Variants in NLGN1 observed in about 807,000 individuals in gnomAD.
NLGN1 encodes neuroligin-1.
In NLGN1, 12 loss-of-function variants were observed where a neutral mutation model predicts 65.5. The ratio of observed to expected loss-of-function variants is 0.18; its 90% CI spans 0.12 to 0.30. The LOEUF (loss-of-function observed/expected upper bound fraction) is 0.30, where lower values mean the gene tolerates loss of function less well. Among genes scored for constraint, NLGN1 ranks in the 10% least tolerant of loss-of-function variants. The pLI is 1.00. For synonymous variants in NLGN1, 350 were observed against 359.5 expected, an observed-to-expected ratio of 0.97 and a Z score of 0.30; for missense variants, 750 against 1,007.1, an observed-to-expected ratio of 0.74 and a Z score of 3.46.
At chr3:173,620,377 A>C (rs1560063215) in intron 3 of NLGN1, among the ~76,000 whole-genome samples, 1 of 152,116 alleles carries the variant, frequency 6.6e-6, no homozygotes, top group Non-Finnish European at 1.5e-5. Flanking sequence ...TGACTCTAAG[A>C]TGTCTTACTG....
At chr3:173,546,052 C>T (rs545214253) in intron 2 of NLGN1, among the ~76,000 whole-genome samples, 4 of 152,094 alleles carry the variant, frequency 2.6e-5, no homozygotes, top group Non-Finnish European at 5.9e-5. Flanking sequence ...ATGTAACAAA[C>T]CTCCACGTTC....
intron 4 of NLGN1, among the ~76,000 whole-genome samples, chr3:173,819,754 A>C (rs1289867936): frequency 6.6e-6 from 1 of 152,174 alleles, no homozygotes; most frequent in Admixed American, 6.5e-5. Flanking sequence ...ACCCAAATTA[A>C]AAAATATCTG....
At chr3:173,551,648 A>G (rs1226256862) in intron 2 of NLGN1, among the ~76,000 whole-genome samples, 1 of 152,212 alleles carries the variant, frequency 6.6e-6, no homozygotes, top group Non-Finnish European at 1.5e-5. Context: ...GCTTCAAGAG[A>G]AAACTTTTTA....
intron 4 of NLGN1, among the ~76,000 whole-genome samples, chr3:174,269,551 T>C (rs895108533): frequency 1.3e-5 from 2 of 152,012 alleles, no homozygotes; most frequent in Non-Finnish European, 2.9e-5. Flanking sequence ...TTCCATCATA[T>C]GTATATTTTC....
intron 2 of NLGN1, among the ~76,000 whole-genome samples, chr3:173,545,862 CAT>C (rs1221835327): frequency 2.6e-5 from 4 of 151,910 alleles, no homozygotes; most frequent in East Asian, 3.9e-4. Flanking sequence ...CCAAACACCA[CAT>C]GTTTTCACTC....
At chr3:173,642,944 A>G (rs1757646712) in intron 3 of NLGN1, among the ~76,000 whole-genome samples, 1 of 152,242 alleles carries the variant, frequency 6.6e-6, no homozygotes, top group South Asian at 2.1e-4. Flanking sequence ...TCATAACTGT[A>G]TTAAATATTT....
At chr3:174,269,624 T>TATTA (rs1189911564) in intron 4 of NLGN1, among the ~76,000 whole-genome samples, 2 of 152,022 alleles carry the variant, frequency 1.3e-5, no homozygotes, top group Non-Finnish European at 2.9e-5. Flanking sequence ...TCCTCTTGGC[T>TATTA]ATTATAAATA....
chr3:173,642,647 G>T (rs1342832391), intron 3 of NLGN1, among the ~76,000 whole-genome samples: 1 of 152,120 alleles, frequency 6.6e-6, no homozygotes, highest in African/African-American at 2.4e-5. Flanking sequence ...ATCTAGTGCT[G>T]CCCTGTACCT....
intron 4 of NLGN1, among the ~76,000 whole-genome samples, chr3:174,089,420 C>T (rs960582339): frequency 1.3e-5 from 2 of 152,156 alleles, no homozygotes; most frequent in African/African-American, 2.4e-5. Flanking sequence ...GTCTCTGCTT[C>T]AGGTTTGAGG....
chr3:174,201,856 C>G (rs1447550768), intron 4 of NLGN1, among the ~76,000 whole-genome samples: 1 of 152,140 alleles, frequency 6.6e-6, no homozygotes, highest in Non-Finnish European at 1.5e-5. Flanking sequence ...GTTCTCCTTT[C>G]CCTAATTTGC....
chr3:174,259,230 T>C (rs978717938), intron 4 of NLGN1, among the ~76,000 whole-genome samples: 3 of 152,166 alleles, frequency 2.0e-5, no homozygotes, highest in Non-Finnish European at 4.4e-5. Flanking sequence ...ATTTCTCTTT[T>C]TATTATTTGT....
chr3:173,841,059 C>G (rs574800704), intron 4 of NLGN1, among the ~76,000 whole-genome samples: 2 of 152,234 alleles, frequency 1.3e-5, no homozygotes, highest in African/African-American at 4.8e-5. Flanking sequence ...TTATTCCCCA[C>G]TTTTTCTCAG....
chr3:173,545,505 A>G (rs1374033034), intron 2 of NLGN1, among the ~76,000 whole-genome samples: 1 of 152,228 alleles, frequency 6.6e-6, no homozygotes, highest in Non-Finnish European at 1.5e-5. Context: ...CTTTGTCAGG[A>G]GAGAATGTAG....
In NLGN1 at chr3:173,589,191, C is replaced by T. The variant is rs188431669; in HGVS notation, c.-320-15088C>T. ...AACAGAAGAATATGTACTTTTTTCACTTTCTCCTGGTTTGTATAGAAATTT... is the reference window on the plus strand; with the variant it reads ...AACAGAAGAATATGTACTTTTTTCATTTTCTCCTGGTTTGTATAGAAATTT... On this transcript the variant is annotated intron_variant, in intron 2 of 6. Transcript: ENST00000457714. 3.9e-5 allele frequency among the ~76,000 whole-genome samples: 6 copies of T among 152,282 alleles called. No individual in the cohort carries two copies. The South Asian group carries it at 8.3e-4, about 21-fold the overall frequency.
chr3:173,545,664 T>C (rs1029862172), intron 2 of NLGN1, among the ~76,000 whole-genome samples: 2 of 152,130 alleles, frequency 1.3e-5, no homozygotes, highest in Non-Finnish European at 2.9e-5. Context: ...TGCAGCACTG[T>C]TCACAATAGC....
intron 2 of NLGN1, among the ~76,000 whole-genome samples, chr3:173,590,860 T>G (rs1748362136): frequency 6.6e-6 from 1 of 152,164 alleles, no homozygotes; most frequent in South Asian, 2.1e-4. Flanking sequence ...GTTTATATAC[T>G]TCACTTTGAT....
chr3:173,590,617 C>T (rs1033769505), intron 2 of NLGN1, among the ~76,000 whole-genome samples: 13 of 152,178 alleles, frequency 8.5e-5, no homozygotes, highest in Admixed American at 3.3e-4. Context: ...GAATGAAAAT[C>T]GACTTGTGTT....
At chr3:173,919,291 G>A (rs1199821873) in intron 4 of NLGN1, among the ~76,000 whole-genome samples, 1 of 152,132 alleles carries the variant, frequency 6.6e-6, no homozygotes, top group African/African-American at 2.4e-5. Context: ...TTATCCCCTT[G>A]AGGACATAAA....
chr3:173,944,119 T>TGGTTGTG (rs1340073625), intron 4 of NLGN1, among the ~76,000 whole-genome samples: 1 of 106,414 alleles, frequency 9.4e-6, no homozygotes, highest in African/African-American at 3.9e-5. Flanking sequence ...CCAGTTAATA[T>TGGTTGTG]TATGGGTGTG....
Sources: gnomAD v4.1 joint callset for allele counts (sites outside exome capture counted in the v4.1 genomes callset) on GRCh38, gnomAD v4.1.1 for gene constraint, MANE v1.5 for transcripts, NCBI Gene and HGNC (gene_info 2026-07-23, HGNC 2026-07-21) for gene names.